Variants in FBXL17 observed in about 807,000 individuals in gnomAD.
The protein encoded by FBXL17 is F-box/LRR-repeat protein 17.
FBXL17 carries 22 observed loss-of-function variants against 66.2 expected under a neutral mutation model. The ratio of observed to expected loss-of-function variants is 0.33; its 90% CI spans 0.24 to 0.47. The LOEUF is 0.47. FBXL17 is among the 20% of genes least tolerant of loss of function. The pLI is 1.00. For missense variants in FBXL17, 878 were observed against 948.2 expected (o/e 0.93, Z 0.97); for synonymous variants, 474 against 400.5 (o/e 1.18, Z -2.19).
chr5:107,878,862 C>G (rs2112497707), intron 8 of FBXL17: 1 of 985,498 alleles, frequency 1.0e-6, no homozygotes, highest in African/African-American at 1.7e-5. Flanking sequence ...TCCAGCATCT[C>G]CCTGGGCTGC....
intron 6 of FBXL17, among the ~76,000 whole-genome samples, chr5:108,046,860 C>G (rs1282166664): frequency 6.6e-6 from 1 of 152,124 alleles, no homozygotes; most frequent in Non-Finnish European, 1.5e-5. Flanking sequence ...TTGTATTTAC[C>G]CACATGTTTG....
chr5:107,903,411 A>G (rs542966350), intron 7 of FBXL17, among the ~76,000 whole-genome samples: 4 of 152,322 alleles, frequency 2.6e-5, no homozygotes, highest in Middle Eastern at 3.4e-3. Context: ...ACTGCAATGT[A>G]TTAAGGTAAG....
intron 6 of FBXL17, among the ~76,000 whole-genome samples, chr5:108,125,463 A>G (rs1750661559): frequency 6.6e-6 from 1 of 152,114 alleles, no homozygotes; most frequent in Non-Finnish European, 1.5e-5. Flanking sequence ...TCAAAACTGA[A>G]CAAAATGGTT....
chr5:107,936,833 G>A (rs1056018131), intron 7 of FBXL17, among the ~76,000 whole-genome samples: 3 of 151,994 alleles, frequency 2.0e-5, no homozygotes, highest in African/African-American at 7.2e-5. Flanking sequence ...ATTTACAATG[G>A]TAAACTCTCT....
intron 4 of FBXL17, among the ~76,000 whole-genome samples, chr5:108,286,170 C>T (rs987070567): frequency 6.6e-6 from 1 of 151,990 alleles, no homozygotes; most frequent in Non-Finnish European, 1.5e-5. Flanking sequence ...CTATGACAAA[C>T]CCACAGCCAA....
intron 7 of FBXL17, among the ~76,000 whole-genome samples, chr5:107,907,287 T>C (rs143940483): frequency 6.6e-6 from 1 of 152,304 alleles, no homozygotes; most frequent in Non-Finnish European, 1.5e-5. Context: ...GGGGAAGCTC[T>C]AGTTATGTTG....
At chr5:108,265,904 T>A (rs1391828271) in intron 4 of FBXL17, among the ~76,000 whole-genome samples, 1 of 152,154 alleles carries the variant, frequency 6.6e-6, no homozygotes, top group Non-Finnish European at 1.5e-5. Flanking sequence ...ACACTTTGAA[T>A]AGTAAGGTTC....
At position 108,130,267 on chromosome 5, in the gene FBXL17, C is replaced by T. The variant is rs151247151; in HGVS notation, c.1745+55850G>A. Among the ~76,000 whole-genome samples the T allele has an allele frequency of 3.2e-3, 478 of 151,746 alleles. 2 individuals are homozygous for T. Among genetic ancestry groups the T allele is most frequent in the African/African-American group, 0.011 (460 of 41,478 alleles). The stretch of plus-strand genomic sequence containing the variant: ...AAAAAAAAAATATCCCTTTCATATG[C>T]ACATGCAAACTCTAAATTCTAACCC... On this transcript the variant is annotated intron_variant, in intron 6 of 8. Coordinates refer to ENST00000542267, the MANE Select transcript of FBXL17 (RefSeq NM_001163315.3).
intron 6 of FBXL17, among the ~76,000 whole-genome samples, chr5:108,107,620 G>A (rs538073904): frequency 6.6e-6 from 1 of 151,802 alleles, no homozygotes; most frequent in African/African-American, 2.4e-5. Context: ...AGATCATCCT[G>A]GCTAACACGG....
intron 7 of FBXL17, among the ~76,000 whole-genome samples, chr5:107,910,729 C>G (rs1279790681): frequency 9.2e-5 from 14 of 151,938 alleles, no homozygotes; most frequent in Admixed American, 9.2e-4. Context: ...ACAAGATCCA[C>G]AAAACCAGTT....
chr5:107,989,597 T>G (rs1037859869), intron 7 of FBXL17, among the ~76,000 whole-genome samples: 2 of 152,190 alleles, frequency 1.3e-5, no homozygotes, highest in African/African-American at 4.8e-5. Flanking sequence ...GCAATAGTAA[T>G]AGAAGTGCAG....
In FBXL17 at chr5:108,381,783, G is replaced by C; in HGVS notation, c.-92C>G. Reference sequence around the variant, plus strand: ...AGCGGGGCAGGCCGCTCGCTGGCTCGGCCCCCGGAGGGGTCGCCCTTCCTG... The same window carrying C: ...AGCGGGGCAGGCCGCTCGCTGGCTCCGCCCCCGGAGGGGTCGCCCTTCCTG... On this transcript the variant is annotated 5_prime_UTR_variant, in exon 1 of 9. Coordinates refer to ENST00000542267, the MANE Select transcript of FBXL17 (RefSeq NM_001163315.3). 2 of 1,357,344 alleles carry C rather than the reference G, an allele frequency of 1.5e-6. No homozygotes were observed. Among genetic ancestry groups the C allele is most frequent in the Non-Finnish European group, 1.9e-6 (2 of 1,059,756 alleles). The allele number at this position is 1,357,344 out of a possible 1,614,324, so 84.1% of individuals were successfully genotyped here. A position where few individuals can be genotyped will look rare whatever the true frequency, so the allele number is the denominator to read the frequency against.
chr5:108,056,789 A>G (rs1339324270), intron 6 of FBXL17, among the ~76,000 whole-genome samples: 1 of 152,226 alleles, frequency 6.6e-6, no homozygotes, highest in Non-Finnish European at 1.5e-5. Flanking sequence ...CACATCTTAG[A>G]TGGGACAATA....
rs569407103 is a variant in FBXL17, at chr5:107,902,852, T to G, written c.1823-21673A>C. Among the ~76,000 whole-genome samples the G allele has an allele frequency of 1.1e-4, 17 of 152,274 alleles. 1 individual carries two copies. The South Asian group carries it at 3.5e-3, about 32-fold the overall frequency. ...TTTTAATAACTTGCAGGCTTTTGGT[T>G]CATGTTCTAGTTGAAGTTGGTTGAT... is the stretch of plus-strand genomic sequence containing the variant. On this transcript the variant is annotated intron_variant, in intron 7 of 8. Transcript: ENST00000542267.
chr5:108,241,814 G>A (rs995583617), intron 4 of FBXL17, among the ~76,000 whole-genome samples: 11 of 152,222 alleles, frequency 7.2e-5, no homozygotes, highest in East Asian at 1.9e-4. Context: ...CAATACGTCC[G>A]TAACAGACTT....
At chr5:107,863,543 C>A (rs1321561977) in intron 8 of FBXL17, among the ~76,000 whole-genome samples, 1 of 142,224 alleles carries the variant, frequency 7.0e-6, no homozygotes, top group Non-Finnish European at 1.6e-5. Context: ...TATTCCAGAT[C>A]ATTCACTCTT....
At chr5:107,875,491 T>C (rs1748593819) in intron 8 of FBXL17, among the ~76,000 whole-genome samples, 1 of 152,230 alleles carries the variant, frequency 6.6e-6, no homozygotes, top group African/African-American at 2.4e-5. Flanking sequence ...CAATTTTTCC[T>C]GAATATTTTT....
intron 7 of FBXL17, among the ~76,000 whole-genome samples, chr5:107,895,879 A>G (rs576522648): frequency 1.3e-5 from 2 of 152,114 alleles, no homozygotes; most frequent in African/African-American, 4.8e-5. Context: ...AATAACAATG[A>G]TTTACGTCGT....
chr5:107,877,989 G>A (rs551225631), intron 8 of FBXL17, among the ~76,000 whole-genome samples: 173 of 151,980 alleles, frequency 1.1e-3, no homozygotes, highest in African/African-American at 4.0e-3. Context: ...GTTACCCTAA[G>A]TACTTGAACA....
Sources: gnomAD v4.1 joint callset for allele counts (sites outside exome capture counted in the v4.1 genomes callset) on GRCh38, gnomAD v4.1.1 for gene constraint, MANE v1.5 for transcripts, NCBI Gene and HGNC (gene_info 2026-07-23, HGNC 2026-07-21) for gene names.